Variants in ATL1 observed in about 807,000 individuals in gnomAD.
The protein encoded by ATL1 is atlastin-1.
In ATL1, 31 loss-of-function variants were observed where a neutral mutation model predicts 75.5. The observed-to-expected ratio is 0.41, with a 90% CI of 0.31 to 0.55. The LOEUF (loss-of-function observed/expected upper bound fraction) is 0.55. ATL1 is among the 20% of genes least tolerant of loss of function. The pLI is 0.27. For missense variants in ATL1, 405 were observed against 662.6 expected, an observed-to-expected ratio of 0.61 and a Z score of 4.27; for synonymous variants, 226 against 233.3, an observed-to-expected ratio of 0.97 and a Z score of 0.28.
At chr14:50,559,513 A>T (rs141701567), upstream of ATL1, 6 of 152,356 alleles carry the variant, frequency 3.9e-5, no homozygotes, top group East Asian at 1.2e-3. Context: ...GTATGATTTC[A>T]GCTCAAATAA....
upstream of ATL1, chr14:50,559,322 C>G: frequency 6.6e-6 from 1 of 152,224 alleles, no homozygotes; most frequent in East Asian, 1.9e-4. Flanking sequence ...ATGATGGTAT[C>G]TTGAGGTTGA....
intron 4 of ATL1, among the ~76,000 whole-genome samples, chr14:50,592,124 A>G (rs553505126): frequency 2.6e-5 from 4 of 152,340 alleles, no homozygotes; most frequent in East Asian, 1.9e-4. Context: ...TATAAAATTT[A>G]TCTTTCTTTC....
At chr14:50,579,473 T>C (rs569586399) in intron 1 of ATL1, among the ~76,000 whole-genome samples, 1 of 152,336 alleles carries the variant, frequency 6.6e-6, no homozygotes, top group East Asian at 1.9e-4. Flanking sequence ...TTTTTGCCTT[T>C]CCATACAAGC....
chr14:50,613,402 T>A, intron 7 of ATL1, 51 bp downstream of exon 7: 1 of 1,396,058 alleles, frequency 7.2e-7, no homozygotes, highest in Non-Finnish European at 1.0e-6. Flanking sequence ...CTGGAATTAT[T>A]TCTGTTGGAT....
At chr14:50,614,720 C>A (rs1851479277) in intron 8 of ATL1, among the ~76,000 whole-genome samples, 1 of 152,098 alleles carries the variant, frequency 6.6e-6, no homozygotes, top group Non-Finnish European at 1.5e-5. Flanking sequence ...ACACTGCCTG[C>A]AAAAATAGGC....
intron 1 of ATL1, among the ~76,000 whole-genome samples, chr14:50,566,800 A>G (rs1210302355): frequency 6.6e-6 from 1 of 152,176 alleles, no homozygotes; most frequent in African/African-American, 2.4e-5. Flanking sequence ...AACAGACATT[A>G]TGTATTTAAA....
At chr14:50,580,955 A>G (rs962781888) in intron 1 of ATL1, among the ~76,000 whole-genome samples, 4 of 151,958 alleles carry the variant, frequency 2.6e-5, no homozygotes, top group Admixed American at 6.6e-5. Context: ...TCATTTCATC[A>G]GAGTTATCAA....
chr14:50,589,050 G>T (rs1216103497), intron 2 of ATL1, among the ~76,000 whole-genome samples: 1 of 151,824 alleles, frequency 6.6e-6, no homozygotes, highest in Non-Finnish European at 1.5e-5. Flanking sequence ...TTGCACTTAG[G>T]CATCTCATGG....
intron 11 of ATL1, among the ~76,000 whole-genome samples, chr14:50,623,647 C>A (rs1245152268): frequency 6.6e-6 from 1 of 151,824 alleles, no homozygotes; most frequent in African/African-American, 2.4e-5. Context: ...CCCTAAGGGC[C>A]ATTATTTCTA....
At chr14:50,584,945 A>G (rs1333239246) in intron 1 of ATL1, among the ~76,000 whole-genome samples, 2 of 152,166 alleles carry the variant, frequency 1.3e-5, no homozygotes, top group African/African-American at 2.4e-5. Flanking sequence ...CTATGCATGT[A>G]ACTAACAAAG....
chr14:50,563,822 T>A (rs1314363986), intron 1 of ATL1, among the ~76,000 whole-genome samples: 1 of 152,220 alleles, frequency 6.6e-6, no homozygotes, highest in Non-Finnish European at 1.5e-5. Flanking sequence ...ACTCTTAAGA[T>A]GTTTGAATAA....
intron 6 of ATL1, among the ~76,000 whole-genome samples, chr14:50,597,125 A>T (rs2039225341): frequency 6.7e-6 from 1 of 150,076 alleles, no homozygotes; most frequent in Non-Finnish European, 1.5e-5. Flanking sequence ...CAGGAGAATC[A>T]CTTGAACCTG....
chr14:50,627,951 A>G, intron 11 of ATL1, 80 bp from the exon 12 acceptor site: 1 of 1,377,978 alleles, frequency 7.3e-7, no homozygotes, highest in Non-Finnish European at 1.0e-6. Flanking sequence ...AACAAACTCA[A>G]CTAGCTAAGT....
At chr14:50,548,410 A>T (rs773538611) in intron 1 of ATL1, among the ~76,000 whole-genome samples, 3 of 152,188 alleles carry the variant, frequency 2.0e-5, no homozygotes, top group Non-Finnish European at 2.9e-5. Flanking sequence ...CTGCCACAGG[A>T]TCCTTTTGTA....
chr14:50,630,064 A>C, intron 13 of ATL1, 55 bp downstream of exon 13: 1 of 1,349,888 alleles, frequency 7.4e-7, no homozygotes, highest in Non-Finnish European at 1.0e-6. Flanking sequence ...TTATGATATT[A>C]TTTTATAAAC....
intron 6 of ATL1, among the ~76,000 whole-genome samples, chr14:50,605,995 C>T (rs3015450): frequency 0.79 from 120,443 of 151,956 alleles, 48,428 homozygotes; most frequent in African/African-American, 0.93. Context: ...TGAAAATTTC[C>T]GAGGAAAAAG....
rs528950488 is a variant in ATL1 at position 50,597,990 on chromosome 14, C to T, written c.630+2358C>T. 9.2e-5 allele frequency among the ~76,000 whole-genome samples: 14 copies of T among 152,238 alleles called. 1 individual carries two copies. In the South Asian group the frequency reaches 2.1e-3, roughly 23 times the overall value. Reference sequence around the variant, plus strand: ...GATTACAGGCGTGAGCCACCGCACCCGGCCAATAGCGTTTCTTAAAACCAG... The same window carrying T: ...GATTACAGGCGTGAGCCACCGCACCTGGCCAATAGCGTTTCTTAAAACCAG... On this transcript the variant is annotated intron_variant, in intron 6 of 13. Transcript: ENST00000358385.
chr14:50,625,942 G>A (rs943778689), intron 11 of ATL1, among the ~76,000 whole-genome samples: 1 of 151,598 alleles, frequency 6.6e-6, no homozygotes, highest in South Asian at 2.1e-4. Context: ...ATACCTACTC[G>A]TTTGTGCGCT....
chr14:50,557,060 G>A (rs565082118), upstream of ATL1, among the ~76,000 whole-genome samples: 5 of 152,284 alleles, frequency 3.3e-5, no homozygotes, highest in South Asian at 4.1e-4. Flanking sequence ...TTGAGGAACT[G>A]CTAGACTTTT....
Sources: gnomAD v4.1 joint callset for allele counts (sites outside exome capture counted in the v4.1 genomes callset) on GRCh38, gnomAD v4.1.1 for gene constraint, MANE v1.5 for transcripts, NCBI Gene and HGNC (gene_info 2026-07-23, HGNC 2026-07-21) for gene names.